The following PPIL6 variants were observed in gnomAD, a reference collection of about 807,000 sequenced individuals.
PPIL6 encodes peptidylprolyl isomerase like 6, also known as probable inactive peptidyl-prolyl cis-trans isomerase-like 6.
A neutral mutation model predicts 36.8 loss-of-function variants in PPIL6; 39 were observed. The observed-to-expected ratio is 1.06, with a 90% CI of 0.82 to 1.38. The LOEUF (loss-of-function observed/expected upper bound fraction) is 1.38, where lower values mean the gene tolerates loss of function less well. PPIL6 is among the 40% of genes most tolerant of loss of function. The pLI is 0.00. For missense variants in PPIL6, 368 were observed against 379.1 expected (o/e 0.97, Z 0.24); for synonymous variants, 123 against 134.1 (o/e 0.92, Z 0.57).
At chr6:109,438,822 C>T (rs749703087) in intron 1 of PPIL6, among the ~76,000 whole-genome samples, 5 of 152,124 alleles carry the variant, frequency 3.3e-5, no homozygotes, top group Non-Finnish European at 7.4e-5. Flanking sequence ...CTCCCGATTT[C>T]GTGATCTGCC....
chr6:109,427,534 C>T (rs1344871710), intron 3 of PPIL6, among the ~76,000 whole-genome samples: 1 of 152,054 alleles, frequency 6.6e-6, no homozygotes, highest in African/African-American at 2.4e-5. Flanking sequence ...CACACATGCA[C>T]CACCACCAGG....
At chr6:109,397,580 G>C (rs554376468) in intron 7 of PPIL6, among the ~76,000 whole-genome samples, 2 of 152,278 alleles carry the variant, frequency 1.3e-5, no homozygotes, top group South Asian at 2.1e-4. Context: ...GCATACTGCA[G>C]GTGCCTAAAG....
chr6:109,420,332 CAAAAAAAAAAAA>C (rs564751735), intron 5 of PPIL6, among the ~76,000 whole-genome samples: 5 of 50,958 alleles, frequency 9.8e-5, no homozygotes, highest in Admixed American at 5.7e-4. Context: ...GACTCCATCT[CAAAAAAAAAAAA>C]AAAAAAAAAA....
chr6:109,410,632 A>C (rs746672896), intron 6 of PPIL6, among the ~76,000 whole-genome samples: 4 of 152,148 alleles, frequency 2.6e-5, no homozygotes, highest in Non-Finnish European at 5.9e-5. Context: ...TTGGGTATCT[A>C]TATCTCTAGC....
chr6:109,427,575 T>C (rs530414966), intron 3 of PPIL6, among the ~76,000 whole-genome samples: 1 of 152,194 alleles, frequency 6.6e-6, no homozygotes, highest in East Asian at 1.9e-4. Context: ...TTGATAGAGA[T>C]GGGGTTTCAC....
intron 1 of PPIL6, among the ~76,000 whole-genome samples, chr6:109,439,450 G>A (rs1347883758): frequency 6.6e-6 from 1 of 152,118 alleles, no homozygotes; most frequent in East Asian, 1.9e-4. Context: ...TCCGCCTCCC[G>A]GGTTCAAGCG....
chr6:109,436,465 C>A (rs1187432837), intron 1 of PPIL6, among the ~76,000 whole-genome samples: 1 of 152,200 alleles, frequency 6.6e-6, no homozygotes, highest in Non-Finnish European at 1.5e-5. Context: ...CACCTGTAAT[C>A]TCAGCACTTT....
intron 5 of PPIL6, among the ~76,000 whole-genome samples, chr6:109,424,350 C>A (rs1182454638): frequency 6.6e-6 from 1 of 151,960 alleles, no homozygotes; most frequent in Non-Finnish European, 1.5e-5. Flanking sequence ...GCTGTGTGTG[C>A]AACCGAGTGT....
At chr6:109,397,677 G>A (rs1411167599) in intron 7 of PPIL6, among the ~76,000 whole-genome samples, 2 of 152,122 alleles carry the variant, frequency 1.3e-5, no homozygotes, top group African/African-American at 4.8e-5. Flanking sequence ...TGCCACTCTA[G>A]ACTTCAGGCT....
At chr6:109,417,288 T>C (rs1196494903) in intron 6 of PPIL6, among the ~76,000 whole-genome samples, 2 of 151,054 alleles carry the variant, frequency 1.3e-5, no homozygotes, top group African/African-American at 4.9e-5. Flanking sequence ...TCCAAGTAGG[T>C]AGTAGTCCCA....
At chr6:109,441,114 CCCCAACCATGAAG>C, upstream of PPIL6, 1 of 1,614,130 alleles carries the variant, frequency 6.2e-7, no homozygotes, top group South Asian at 1.1e-5. Context: ...CCCTGGAGCT[CCCCAACCATGAAG>C]CCCAACTTCT....
chr6:109,401,023 C>T (rs930685760), intron 6 of PPIL6, among the ~76,000 whole-genome samples: 2 of 137,814 alleles, frequency 1.5e-5, no homozygotes, highest in African/African-American at 3.0e-5. Flanking sequence ...CCATGCCCGG[C>T]TAATTTTTTT....
At chr6:109,427,476 T>C (rs1036648040) in intron 3 of PPIL6, among the ~76,000 whole-genome samples, 8 of 152,250 alleles carry the variant, frequency 5.3e-5, no homozygotes, top group Admixed American at 3.3e-4. Flanking sequence ...CTCAACCTCC[T>C]GGGCTCAAGT....
At chr6:109,440,280 A>C in intron 1 of PPIL6, 176 bp downstream of exon 1, 1 of 788,686 alleles carries the variant, frequency 1.3e-6, no homozygotes. Context: ...TTGCCCCCCT[A>C]TACTCTCCTC....
chr6:109,422,674 G>A (rs945255225), intron 5 of PPIL6, among the ~76,000 whole-genome samples: 1 of 152,104 alleles, frequency 6.6e-6, no homozygotes, highest in Non-Finnish European at 1.5e-5. Flanking sequence ...TGGACCTTAT[G>A]AACATAAAAA....
intron 2 of PPIL6, among the ~76,000 whole-genome samples, chr6:109,431,579 T>C (rs1198047899): frequency 3.9e-5 from 6 of 152,120 alleles, no homozygotes. Flanking sequence ...AAAAGTATCA[T>C]AAAAATGTTA....
chr6:109,396,077 G>A lies in PPIL6; in HGVS notation c.825-3140C>T, dbSNP rs115463692. Among the ~76,000 whole-genome samples, 1,049 of 151,882 alleles carry A rather than the reference G, an allele frequency of 6.9e-3. 14 individuals are homozygous for A. The highest frequency in any genetic ancestry group is 0.025 in the African/African-American group (1,016 of 41,412). The stretch of plus-strand genomic sequence containing the variant: ...GTCTCGATCGCTTGACCTCGTGATC[G>A]GCCCACCTCGGACTCCCAAAGTGCT... On this transcript the variant is annotated intron_variant, in intron 7 of 7. Transcript: ENST00000521072.
chr6:109,400,034 C>T lies in PPIL6; in HGVS notation c.824+1G>A, dbSNP rs557304424. The T allele has an allele frequency of 1.9e-5, 31 of 1,608,976 alleles. No individual in the cohort carries two copies. In the African/African-American group the frequency reaches 2.5e-4, roughly 13 times the overall value. The stretch of plus-strand genomic sequence containing the variant: ...TATAAATAGATCTACAATATACATA[C>T]CCAAAAGCCACAAATTTTCTATCTA... On this transcript the variant is annotated splice_donor_variant, in intron 7 of 7. Coordinates refer to ENST00000521072, the MANE Select transcript of PPIL6 (RefSeq NM_173672.5). LOFTEE classifies it high-confidence loss of function.
chr6:109,441,080 T>C (rs767090557), upstream of PPIL6: 7 of 1,611,552 alleles, frequency 4.3e-6, no homozygotes, highest in Non-Finnish European at 5.9e-6. Flanking sequence ...CGGCCGTCGC[T>C]GGAGAGTTCG....
Sources: gnomAD v4.1 joint callset for allele counts (sites outside exome capture counted in the v4.1 genomes callset) on GRCh38, gnomAD v4.1.1 for gene constraint, MANE v1.5 for transcripts, NCBI Gene and HGNC (gene_info 2026-07-23, HGNC 2026-07-21) for gene names.